Variants in SLC6A6 observed in about 807,000 individuals in gnomAD.
SLC6A6 encodes sodium- and chloride-dependent taurine transporter.
In SLC6A6, 16 loss-of-function variants were observed where a neutral mutation model predicts 68.8. That is an observed-to-expected ratio of 0.23 (90% CI 0.16 to 0.35). The LOEUF (loss-of-function observed/expected upper bound fraction) is 0.35, where lower values mean the gene tolerates loss of function less well. SLC6A6 is among the 10% of genes least tolerant of loss of function. The probability of loss-of-function intolerance (pLI) is 1.00; values close to 1 mark genes in which losing one functional copy is unlikely to be tolerated. For missense variants in SLC6A6, 474 were observed against 802.8 expected, an observed-to-expected ratio of 0.59 and a Z score of 4.95; for synonymous variants, 312 against 315.4, an observed-to-expected ratio of 0.99 and a Z score of 0.12.
At chr3:14,479,579 C>T (rs879297978) in intron 13 of SLC6A6, among the ~76,000 whole-genome samples, 4 of 151,880 alleles carry the variant, frequency 2.6e-5, no homozygotes, top group Non-Finnish European at 5.9e-5. Flanking sequence ...GTAGAGGGGC[C>T]TTTGGGATAT....
At chr3:14,478,754 A>T in intron 12 of SLC6A6, 186 bp downstream of exon 12, 2 of 608,172 alleles carry the variant, frequency 3.3e-6, no homozygotes, top group Non-Finnish European at 5.9e-6. Flanking sequence ...TAAAGGTGTG[A>T]GGTGTGACTG....
chr3:14,406,817 C>G (rs973643023), intron 1 of SLC6A6, among the ~76,000 whole-genome samples: 2 of 152,164 alleles, frequency 1.3e-5, no homozygotes, highest in African/African-American at 4.8e-5. Context: ...GGCCAACCAC[C>G]CTTCTCTTGG....
Position 14,481,913 on chromosome 3 carries a change from C to T in SLC6A6, c.1722+72C>T, listed in dbSNP as rs992091117. 5.9e-6 allele frequency: 8 copies of T among 1,358,022 alleles called. No homozygotes were observed. Among genetic ancestry groups the T allele is most frequent in the Non-Finnish European group, 8.2e-6 (8 of 971,306 alleles). The allele number at this position is 1,358,022 out of a possible 1,614,324, so 84.1% of individuals were successfully genotyped here. A position where few individuals can be genotyped will look rare whatever the true frequency, so the allele number is the denominator to read the frequency against. ...AAAGGTGATTGTTGTCAGTTTGCTG[C>T]GTGATCTCAGGCAAGTCACCTGCCC... On this transcript the variant is annotated intron_variant, in intron 14 of 14. Coordinates refer to ENST00000622186, the MANE Select transcript of SLC6A6 (RefSeq NM_003043.6). This position sits in a 1 kb window ranked among gnomAD's most constrained non-coding sequence, Gnocchi z 4.7.
At chr3:14,453,889 C>T (rs755316527) in intron 5 of SLC6A6, among the ~76,000 whole-genome samples, 2 of 152,114 alleles carry the variant, frequency 1.3e-5, no homozygotes, top group Non-Finnish European at 2.9e-5. Flanking sequence ...AAGGCAGGAT[C>T]GCGTTCGACC....
chr3:14,426,333 C>T (rs192321459), intron 2 of SLC6A6, among the ~76,000 whole-genome samples: 3 of 152,172 alleles, frequency 2.0e-5, no homozygotes, highest in South Asian at 2.1e-4. Context: ...AAGTCCCCCC[C>T]CAGCCATCCC....
intron 12 of SLC6A6, 35 bp downstream of exon 12, chr3:14,478,603 C>A (rs1016681184): frequency 1.5e-6 from 2 of 1,310,428 alleles, no homozygotes; most frequent in Non-Finnish European, 2.2e-6. Context: ...TTTCTCAAGG[C>A]TCTCCTTTGG....
chr3:14,426,270 C>T (rs767763891), intron 2 of SLC6A6, among the ~76,000 whole-genome samples: 1 of 152,288 alleles, frequency 6.6e-6, no homozygotes, highest in African/African-American at 2.4e-5. Flanking sequence ...TGTGCAACCT[C>T]GGTCAAGTCG....
At chr3:14,447,848 A>G in intron 5 of SLC6A6, 32 bp downstream of exon 5, 2 of 1,612,780 alleles carry the variant, frequency 1.2e-6, no homozygotes, top group Non-Finnish European at 1.7e-6. Context: ...AAGGAGGAGG[A>G]CATGGGTGGG....
At chr3:14,455,557 G>A (rs1025188302) in intron 5 of SLC6A6, among the ~76,000 whole-genome samples, 3 of 152,360 alleles carry the variant, frequency 2.0e-5, no homozygotes, top group East Asian at 1.9e-4. Context: ...ACAGGACAGC[G>A]GAAGACAGAC....
intron 1 of SLC6A6, among the ~76,000 whole-genome samples, chr3:14,411,805 C>T (rs1040450277): frequency 6.6e-6 from 1 of 152,230 alleles, no homozygotes; most frequent in Non-Finnish European, 1.5e-5. Flanking sequence ...TTCACTTGTT[C>T]CAGGCCCTGT....
intron 1 of SLC6A6, among the ~76,000 whole-genome samples, chr3:14,403,994 C>T (rs1482257112): frequency 1.3e-5 from 2 of 152,218 alleles, no homozygotes; most frequent in African/African-American, 4.8e-5. Flanking sequence ...TGGGAGGCAG[C>T]CTGGGCCCCC....
At chr3:14,437,799 A>T (rs1468689184) in intron 2 of SLC6A6, among the ~76,000 whole-genome samples, 1 of 146,522 alleles carries the variant, frequency 6.8e-6, no homozygotes, top group Non-Finnish European at 1.5e-5. Flanking sequence ...TTTCTTATTT[A>T]TTTATTTATT....
chr3:14,485,152 G>GTGCA lies in SLC6A6; in HGVS notation c.*148_*149insATGC, dbSNP rs1238111802. The GTGCA allele has an allele frequency of 1.7e-4, 93 of 563,120 alleles. No homozygotes were observed. The highest frequency in any genetic ancestry group is 1.1e-3 in the African/African-American group (30 of 26,580). The allele number at this position is 563,120 out of a possible 1,614,324, so 34.9% of individuals were successfully genotyped here. A position where few individuals can be genotyped will look rare whatever the true frequency, so the allele number is the denominator to read the frequency against. On this transcript the variant is annotated 3_prime_UTR_variant, in exon 15 of 15. Coordinates refer to ENST00000622186, the MANE Select transcript of SLC6A6 (RefSeq NM_003043.6). ...ACAGAAAATGTAATTGTGGGTATGTGTGCGTGCGTGTGTGTGTGTGTGTGT... is the reference window on the plus strand; with the variant it reads ...ACAGAAAATGTAATTGTGGGTATGTGTGCATGCGTGCGTGTGTGTGTGTGTGTGT...
At chr3:14,444,700 A>G (rs1352191226) in intron 3 of SLC6A6, 1 of 456,110 alleles carries the variant, frequency 2.2e-6, no homozygotes, top group Non-Finnish European at 4.4e-6. Context: ...CCTTTTGGGG[A>G]ATTTTCCCTT....
At chr3:14,473,450 G>A (rs1700799819) in intron 10 of SLC6A6, among the ~76,000 whole-genome samples, 1 of 152,174 alleles carries the variant, frequency 6.6e-6, no homozygotes, top group South Asian at 2.1e-4. Context: ...CTTGCAGCCA[G>A]GGCGGGAGAA....
intron 1 of SLC6A6, 130 bp from the exon 2 acceptor site, chr3:14,416,282 G>T: frequency 2.5e-6 from 1 of 396,470 alleles, no homozygotes; most frequent in Non-Finnish European, 4.4e-6. Flanking sequence ...GCCTTCCAAG[G>T]GGTTTGGTCA....
At chr3:14,421,399 G>A (rs145376053) in intron 2 of SLC6A6, among the ~76,000 whole-genome samples, 190 of 152,250 alleles carry the variant, frequency 1.2e-3, no homozygotes, top group East Asian at 3.5e-3. Flanking sequence ...TGAGCACATC[G>A]TTTAACCTCG....
intron 1 of SLC6A6, among the ~76,000 whole-genome samples, chr3:14,403,287 C>T (rs1699030898): frequency 6.6e-6 from 1 of 152,118 alleles, no homozygotes; most frequent in African/African-American, 2.4e-5. Flanking sequence ...GTGTGTGTGC[C>T]TCTCTGTGTG....
At chr3:14,409,340 G>A (rs941297630) in intron 1 of SLC6A6, among the ~76,000 whole-genome samples, 3 of 152,236 alleles carry the variant, frequency 2.0e-5, no homozygotes, top group Admixed American at 6.5e-5. Flanking sequence ...GCCCCGGAGG[G>A]TGCAGAGGAG....
Sources: allele counts gnomAD v4.1 joint callset (sites outside exome capture counted in the v4.1 genomes callset), GRCh38; gene constraint gnomAD v4.1.1; non-coding constraint Gnocchi (gnomAD v3.1); transcripts MANE v1.5; gene names NCBI Gene and HGNC (gene_info 2026-07-23, HGNC 2026-07-21).